TAS2R1: variants seen among roughly 807,000 people sequenced by gnomAD.
TAS2R1 encodes the protein taste 2 receptor member 1, also known as taste receptor type 2 member 1.
For synonymous variants in TAS2R1, 141 were observed against 134.2 expected (o/e 1.05, Z -0.35); for missense variants, 370 against 353.4 (o/e 1.05, Z -0.38).
chr5:9,832,745 C>T, the TAS2R1 span, among the ~76,000 whole-genome samples: 1 of 152,208 alleles, frequency 6.6e-6, no homozygotes, highest in Non-Finnish European at 1.5e-5. Context: ...CCAAAATACC[C>T]ATAATACAAT....
At chr5:9,701,427 C>G (rs1741482680) in intron 1 of TAS2R1, among the ~76,000 whole-genome samples, 1 of 151,988 alleles carries the variant, frequency 6.6e-6, no homozygotes, top group Non-Finnish European at 1.5e-5. Context: ...GCCTTTCTGA[C>G]AAGAAGAATG....
the TAS2R1 span, among the ~76,000 whole-genome samples, chr5:9,876,207 C>T: frequency 2.3e-5 from 3 of 128,482 alleles, no homozygotes; most frequent in Non-Finnish European, 3.3e-5. Context: ...CCCCTGACAA[C>T]AAATGGAGGA....
the TAS2R1 span, among the ~76,000 whole-genome samples, chr5:9,886,910 G>A: frequency 7.9e-5 from 12 of 152,098 alleles, no homozygotes; most frequent in South Asian, 2.1e-3. Context: ...GAACATCTAC[G>A]TAACCATCAC....
At chr5:9,718,255 C>A in the TAS2R1 span, among the ~76,000 whole-genome samples, 1 of 151,416 alleles carries the variant, frequency 6.6e-6, no homozygotes, top group African/African-American at 2.4e-5. Context: ...AGGCGTGAGC[C>A]ACTGCGCCCA....
At chr5:9,721,103 C>CT in the TAS2R1 span, among the ~76,000 whole-genome samples, 11 of 152,036 alleles carry the variant, frequency 7.2e-5, no homozygotes, top group Non-Finnish European at 1.2e-4. Flanking sequence ...CTGATCAAGC[C>CT]TTTTTTTTGG....
the TAS2R1 span, among the ~76,000 whole-genome samples, chr5:9,725,458 C>T: frequency 6.6e-6 from 1 of 152,188 alleles, no homozygotes; most frequent in Non-Finnish European, 1.5e-5. Context: ...GGCTTAGCAC[C>T]CGGGCCAGCA....
At chr5:9,634,406 T>TTGC (rs199600808), upstream of TAS2R1, among the ~76,000 whole-genome samples, 3,783 of 152,172 alleles carry the variant, frequency 0.025, 70 homozygotes, top group Non-Finnish European at 0.038. Context: ...GTTGTTGTTG[T>TTGC]TGCGTAGTCT....
chr5:9,838,093 C>T, the TAS2R1 span, among the ~76,000 whole-genome samples: 2 of 152,212 alleles, frequency 1.3e-5, no homozygotes, highest in African/African-American at 2.4e-5. Context: ...CCCCCCAGGG[C>T]AGGAGTCTCC....
At chr5:9,789,613 G>A in the TAS2R1 span, among the ~76,000 whole-genome samples, 1 of 152,182 alleles carries the variant, frequency 6.6e-6, no homozygotes, top group African/African-American at 2.4e-5. Context: ...ATGACAGCCT[G>A]TGTACCAGAT....
At chr5:9,722,517 C>T in the TAS2R1 span, among the ~76,000 whole-genome samples, 13 of 152,262 alleles carry the variant, frequency 8.5e-5, no homozygotes, top group South Asian at 2.7e-3. Context: ...TTTCCATGTC[C>T]TTTGGAGCAG....
the TAS2R1 span, among the ~76,000 whole-genome samples, chr5:9,810,438 A>G: frequency 6.6e-6 from 1 of 152,162 alleles, no homozygotes; most frequent in Non-Finnish European, 1.5e-5. Flanking sequence ...TTAAAGATAA[A>G]TTCTTCTCCT....
At chr5:9,700,110 A>C (rs1436531317) in intron 1 of TAS2R1, among the ~76,000 whole-genome samples, 2 of 152,176 alleles carry the variant, frequency 1.3e-5, no homozygotes, top group African/African-American at 4.8e-5. Flanking sequence ...ACACAAACAA[A>C]GCTAATCCAT....
the TAS2R1 span, among the ~76,000 whole-genome samples, chr5:9,856,321 G>A: frequency 2.6e-5 from 4 of 151,910 alleles, no homozygotes; most frequent in Non-Finnish European, 5.9e-5. Context: ...AGATACAGAG[G>A]TCAATGCCCA....
chr5:9,851,799 T>C, the TAS2R1 span, among the ~76,000 whole-genome samples: 23 of 152,310 alleles, frequency 1.5e-4, no homozygotes, highest in African/African-American at 4.1e-4. Flanking sequence ...CTGTGACATG[T>C]GGAAGCTAAG....
At chr5:9,788,045 A>T in the TAS2R1 span, among the ~76,000 whole-genome samples, 7 of 152,198 alleles carry the variant, frequency 4.6e-5, no homozygotes, top group Non-Finnish European at 8.8e-5. Context: ...CAGCCGCACA[A>T]AGTGAGGTTG....
chr5:9,692,577 G>A (rs1043818560), intron 1 of TAS2R1, among the ~76,000 whole-genome samples: 1 of 152,138 alleles, frequency 6.6e-6, no homozygotes, highest in African/African-American at 2.4e-5. Context: ...TTCCAGTAAG[G>A]ACTCCTGAAC....
the TAS2R1 span, among the ~76,000 whole-genome samples, chr5:9,730,259 G>A: frequency 4.6e-4 from 70 of 152,308 alleles, 2 homozygotes; most frequent in South Asian, 8.9e-3. Flanking sequence ...GCTCTTTCTT[G>A]AAAGGTGCAG....
intron 1 of TAS2R1, among the ~76,000 whole-genome samples, chr5:9,688,630 T>A (rs1359511394): frequency 6.6e-6 from 1 of 152,108 alleles, no homozygotes; most frequent in Non-Finnish European, 1.5e-5. Flanking sequence ...TGTCATCCTA[T>A]CTCCCGTGGC....
chr5:9,864,072 A>G, the TAS2R1 span, among the ~76,000 whole-genome samples: 2 of 152,246 alleles, frequency 1.3e-5, no homozygotes, highest in Non-Finnish European at 2.9e-5. Flanking sequence ...AAGTAGGCCA[A>G]CAAAACAAAA....
Sources: allele counts gnomAD v4.1 joint callset (sites outside exome capture counted in the v4.1 genomes callset), GRCh38; gene constraint gnomAD v4.1.1; transcripts MANE v1.5; gene names NCBI Gene and HGNC (gene_info 2026-07-23, HGNC 2026-07-21).